EYS: variants seen among roughly 807,000 people sequenced by gnomAD.
EYS encodes the protein EGF-like photoreceptor maintenance factor.
Under a neutral mutation model 282.1 loss-of-function variants are expected in EYS, and 250 were observed. That is an observed-to-expected ratio of 0.89 (90% confidence interval 0.80 to 0.98). The LOEUF is 0.98. EYS is among the 50% of genes least tolerant of loss of function. EYS has a pLI of 0.00. For missense variants in EYS, 4,016 were observed against 3,709.0 expected, an observed-to-expected ratio of 1.08 and a Z score of -2.15; for synonymous variants, 1,355 against 1,282.9, an observed-to-expected ratio of 1.06 and a Z score of -1.20.
chr6:65,034,988 G>A (rs1428516965), intron 13 of EYS, among the ~76,000 whole-genome samples: 1 of 152,028 alleles, frequency 6.6e-6, no homozygotes, highest in Non-Finnish European at 1.5e-5. Flanking sequence ...ACCCAATTTA[G>A]TACCACATCA....
chr6:64,452,857 T>A (rs550425416), intron 26 of EYS, among the ~76,000 whole-genome samples: 3 of 152,134 alleles, frequency 2.0e-5, no homozygotes, highest in Admixed American at 2.0e-4. Flanking sequence ...CAAAAATTAA[T>A]TCAAGATGGA....
chr6:65,695,289 AC>A (rs1644434887), intron 1 of EYS, among the ~76,000 whole-genome samples: 1 of 152,044 alleles, frequency 6.6e-6, no homozygotes, highest in Non-Finnish European at 1.5e-5. Flanking sequence ...GGTATTTATC[AC>A]CCTTGTTTGG....
chr6:64,193,980 TAGC>T (rs1339268271), intron 31 of EYS, among the ~76,000 whole-genome samples: 2 of 152,230 alleles, frequency 1.3e-5, no homozygotes, highest in Admixed American at 6.5e-5. Flanking sequence ...TGTGTCTTTA[TAGC>T]AGCATGATTT....
chr6:65,332,355 T>A, intron 11 of EYS: 1 of 822,596 alleles, frequency 1.2e-6, no homozygotes, highest in East Asian at 2.7e-5. Flanking sequence ...CACCTGGTCA[T>A]GCTGTATAAA....
At chr6:65,557,328 G>T (rs2127340970) in intron 2 of EYS, among the ~76,000 whole-genome samples, 1 of 152,278 alleles carries the variant, frequency 6.6e-6, no homozygotes, top group African/African-American at 2.4e-5. Context: ...AGAGTGCAGG[G>T]TCCAGCCACT....
intron 22 of EYS, among the ~76,000 whole-genome samples, chr6:64,799,531 G>A (rs1206616450): frequency 6.6e-6 from 1 of 151,474 alleles, no homozygotes; most frequent in Non-Finnish European, 1.5e-5. Flanking sequence ...CATATGTTAG[G>A]TTGAAAGCAT....
At chr6:64,830,101 C>T (rs1203799799) in intron 19 of EYS, among the ~76,000 whole-genome samples, 2 of 151,910 alleles carry the variant, frequency 1.3e-5, no homozygotes, top group Non-Finnish European at 2.9e-5. Flanking sequence ...GCAGAGCCCT[C>T]ATCAATGGAA....
intron 33 of EYS, among the ~76,000 whole-genome samples, chr6:64,031,715 G>A (rs972980777): frequency 3.3e-5 from 5 of 152,174 alleles, no homozygotes; most frequent in Non-Finnish European, 2.9e-5. Context: ...AGCTACTCTG[G>A]TGGGGACTTG....
chr6:65,596,168 G>A (rs2149787385), intron 2 of EYS, among the ~76,000 whole-genome samples: 1 of 152,118 alleles, frequency 6.6e-6, no homozygotes, highest in Non-Finnish European at 1.5e-5. Context: ...TTCCAATTCA[G>A]CTTTAAGATG....
At chr6:63,936,578 T>C (rs1208071337) in intron 35 of EYS, among the ~76,000 whole-genome samples, 2 of 152,338 alleles carry the variant, frequency 1.3e-5, no homozygotes, top group African/African-American at 2.4e-5. Flanking sequence ...CCTGTGATAG[T>C]CAATCCTTAG....
In EYS at chr6:64,226,817, G is replaced by A. The variant is rs572118998; in HGVS notation, c.6424+3775C>T. Among the ~76,000 whole-genome samples the A allele has an allele frequency of 5.3e-5, 8 of 152,160 alleles. No individual in the cohort carries two copies. In the South Asian group the frequency reaches 1.7e-3, roughly 32 times the overall value. On this transcript the variant is annotated intron_variant, in intron 31 of 42. Coordinates refer to ENST00000503581, the MANE Select transcript of EYS (RefSeq NM_001142800.2). ...ATATGATGTAATGTCAAGTAGATGG[G>A]AAATATGTCTGTGGGTGACCCATTC...
chr6:65,681,319 A>G (rs1244811226), intron 1 of EYS, among the ~76,000 whole-genome samples: 1 of 152,040 alleles, frequency 6.6e-6, no homozygotes, highest in East Asian at 1.9e-4. Flanking sequence ...TCATTAGCAT[A>G]TGAAAAGACT....
intron 30 of EYS, among the ~76,000 whole-genome samples, chr6:64,263,720 C>A (rs1767662826): frequency 6.6e-6 from 1 of 152,050 alleles, no homozygotes; most frequent in Admixed American, 6.6e-5. Context: ...TTGGCTGAAA[C>A]CCATATGGAT....
At chr6:65,449,958 T>C (rs1764344593) in intron 5 of EYS, among the ~76,000 whole-genome samples, 1 of 152,144 alleles carries the variant, frequency 6.6e-6, no homozygotes. Context: ...TTAAACACTT[T>C]AGCACATCAA....
rs75467726 is a variant in EYS, at chr6:64,753,503, T to TAA, written c.3443+59873_3443+59874dup. On this transcript the variant is annotated intron_variant, in intron 22 of 42. Transcript: ENST00000503581. ...GAATAGGCTTTATATCAAAAAACAG[T>TAA]AAAAAAAAAAAAGACAAAAGAGGTC... Among the ~76,000 whole-genome samples, 51 of 132,278 alleles carry TAA rather than the reference T, an allele frequency of 3.9e-4. No homozygotes were observed. In the East Asian group the frequency reaches 6.1e-3, roughly 16 times the overall value. The allele number at this position is 132,278 out of a possible 152,430, so 86.8% of individuals were successfully genotyped here. A position where few individuals can be genotyped will look rare whatever the true frequency, so the allele number is the denominator to read the frequency against.
intron 18 of EYS, among the ~76,000 whole-genome samples, chr6:64,899,686 C>T (rs2150070359): frequency 6.6e-6 from 1 of 151,988 alleles, no homozygotes; most frequent in Middle Eastern, 3.4e-3. Context: ...ATTGATGAAC[C>T]TCTTCAAGGG....
chr6:64,862,721 C>T (rs116132952), intron 19 of EYS, among the ~76,000 whole-genome samples: 5,944 of 152,106 alleles, frequency 0.039, 136 homozygotes, highest in Non-Finnish European at 0.06. Flanking sequence ...GAATGCCAGG[C>T]ATTCGTATGT....
rs139091534 is a variant in EYS at position 64,985,652 on chromosome 6, T to C, written c.2259+11930A>G. On this transcript the variant is annotated intron_variant, in intron 14 of 42. Coordinates refer to ENST00000503581, the MANE Select transcript of EYS (RefSeq NM_001142800.2). ...TTCTTTAAAATAAAGTCTGATTTAA[T>C]TAGGGTTGTTAGACAAACTATTGGA... 8.4e-3 allele frequency among the ~76,000 whole-genome samples: 1,278 copies of C among 151,660 alleles called. 6 individuals carry two copies. The highest frequency in any genetic ancestry group is 0.012 in the Non-Finnish European group (789 of 67,652).
intron 2 of EYS, among the ~76,000 whole-genome samples, chr6:65,536,682 A>G (rs575582401): frequency 1.3e-5 from 2 of 152,304 alleles, no homozygotes; most frequent in South Asian, 4.1e-4. Context: ...GAAAGTAGTG[A>G]AGGCCAGAAA....
Sources: gnomAD v4.1 joint callset for allele counts (sites outside exome capture counted in the v4.1 genomes callset) on GRCh38, gnomAD v4.1.1 for gene constraint, MANE v1.5 for transcripts, NCBI Gene and HGNC (gene_info 2026-07-23, HGNC 2026-07-21) for gene names.